MYO1C: variants seen among roughly 807,000 people sequenced by gnomAD.
MYO1C encodes unconventional myosin-Ic.
MYO1C carries 104 observed loss-of-function variants against 150.8 expected under a neutral mutation model. The ratio of observed to expected loss-of-function variants is 0.69; its 90% confidence interval spans 0.59 to 0.81. MYO1C has a LOEUF of 0.81. Ranked by LOEUF, MYO1C falls within the 30% of genes least tolerant of loss-of-function variation. The probability of loss-of-function intolerance (pLI) is 0.00; values close to 1 mark genes in which losing one functional copy is unlikely to be tolerated. For synonymous variants in MYO1C, 663 were observed against 579.9 expected, an observed-to-expected ratio of 1.14 and a Z score of -2.06; for missense variants, 1,504 against 1,435.0, an observed-to-expected ratio of 1.05 and a Z score of -0.78.
intron 14 of MYO1C, among the ~76,000 whole-genome samples, chr17:1,476,424 C>T (rs1430549663): frequency 6.6e-6 from 1 of 152,236 alleles, no homozygotes; most frequent in Non-Finnish European, 1.5e-5. Context: ...CTCTGCCCAC[C>T]TAGGCCTCCC....
At chr17:1,486,523 G>GTTTTT (rs34636701) in intron 1 of MYO1C, among the ~76,000 whole-genome samples, 1 of 145,234 alleles carries the variant, frequency 6.9e-6, no homozygotes, top group Non-Finnish European at 1.5e-5. Context: ...TTTTTTTTCT[G>GTTTTT]TTTTTTTTTT....
chr17:1,488,364 C>T (rs908865904), intron 1 of MYO1C, among the ~76,000 whole-genome samples: 4 of 152,218 alleles, frequency 2.6e-5, no homozygotes, highest in Admixed American at 2.0e-4. Flanking sequence ...CCGGCCTGCC[C>T]CTCCTCACTG....
chr17:1,466,078 CGTGAGCCT>C (rs1057491481), intron 31 of MYO1C, among the ~76,000 whole-genome samples: 6 of 151,012 alleles, frequency 4.0e-5, no homozygotes, highest in African/African-American at 9.7e-5. Context: ...CCCTGGCCAG[CGTGAGCCT>C]GTGAGCCTGT....
chr17:1,484,165 G>C lies in MYO1C; in HGVS notation c.214C>G (p.Arg72Gly). Residue 72 changes from arginine to glycine, a missense_variant, in exon 2 of 32, where the codon CGG becomes GGG. Arg to Gly is a moderately radical substitution (Grantham distance 125). Coordinates refer to ENST00000648651, the MANE Select transcript of MYO1C (RefSeq NM_001080779.2). ...AFIENLRRRF[R>G]ENLIYTYIGP... Reference sequence around the variant, plus strand: ...GGCCTCACGTAGATGAGATTCTCCCGAAATCGCCGCCGCAGGTTCTCGATG... The same window carrying C: ...GGCCTCACGTAGATGAGATTCTCCCCAAATCGCCGCCGCAGGTTCTCGATG... 1 of 1,612,900 alleles carries C rather than the reference G, an allele frequency of 6.2e-7. No homozygotes were observed. Among genetic ancestry groups the C allele is most frequent in the African/African-American group, 1.3e-5 (1 of 75,038 alleles).
rs530149025 is a variant in MYO1C, at chr17:1,475,503, G to A, written c.1575-471C>T. On this transcript the variant is annotated intron_variant, in intron 14 of 31. Transcript: ENST00000648651. ...GAGGCTCAGAGAGGTAGATGGCCTT[G>A]GCCAGGGCCACACAGTGCCAGGACC... Among the ~76,000 whole-genome samples the A allele has an allele frequency of 6.6e-5, 10 of 152,334 alleles. No individual in the cohort carries two copies. In the East Asian group the frequency reaches 9.7e-4, roughly 15 times the overall value.
intron 2 of MYO1C, 108 bp downstream of exon 2, chr17:1,484,039 TC>T: frequency 1.7e-6 from 2 of 1,202,910 alleles, no homozygotes; most frequent in Non-Finnish European, 2.3e-6. Context: ...TGAAACTGTC[TC>T]AAAAAAAAAA....
chr17:1,481,593 C>T lies in MYO1C; in HGVS notation c.628-708G>A, dbSNP rs772358519. ...ACAGTTCACTGCACCCTCGAACTCC[C>T]GGGTTCAAGCAATTCTCCTGCCTCA... is the stretch of plus-strand genomic sequence containing the variant. On this transcript the variant is annotated intron_variant, in intron 5 of 31. Coordinates refer to ENST00000648651, the MANE Select transcript of MYO1C (RefSeq NM_001080779.2). Among the ~76,000 whole-genome samples, 11 of 151,662 alleles carry T rather than the reference C, an allele frequency of 7.3e-5. No homozygotes were observed. The East Asian group carries it at 1.3e-3, about 19-fold the overall frequency.
chr17:1,483,922 A>G (rs964435165), intron 2 of MYO1C, among the ~76,000 whole-genome samples, 197 bp from the exon 3 acceptor site: 11 of 151,950 alleles, frequency 7.2e-5, no homozygotes, highest in African/African-American at 7.3e-5. Context: ...GGTGCCTGTA[A>G]TCCCAGCTAC....
intron 5 of MYO1C, 142 bp downstream of exon 5, chr17:1,482,336 C>T: frequency 1.3e-6 from 1 of 782,130 alleles, no homozygotes; most frequent in Non-Finnish European, 2.2e-6. Flanking sequence ...TATTGTTTAT[C>T]ACCCTGGAAG....
At position 1,479,912 on chromosome 17, in the gene MYO1C, G is replaced by A. The variant is rs941082468; in HGVS notation, c.907-207C>T. ...TGTAATCCCAGCACTTTGGGAGGCT[G>A]AGGCGGGAGGATCATCTGAGGTCAG... On this transcript the variant is annotated intron_variant, in intron 7 of 31. Transcript: ENST00000648651. The surrounding 1 kb of genome is among the most constrained non-coding windows in gnomAD (Gnocchi z 4.2). Among the ~76,000 whole-genome samples, 11 of 152,120 alleles carry A rather than the reference G, an allele frequency of 7.2e-5. No homozygotes were observed. Among genetic ancestry groups the A allele is most frequent in the Admixed American group, 1.3e-4 (2 of 15,272 alleles).
rs2074449713 is a variant in MYO1C, at chr17:1,478,635, T to C, written c.1193A>G (p.Asn398Ser). The C allele has an allele frequency of 6.2e-7, 1 of 1,614,130 alleles. No homozygotes were observed. The highest frequency in any genetic ancestry group is 8.5e-7 in the Non-Finnish European group (1 of 1,180,024). ...CCTCACCTTGGAGGCCAGCGACCTG[T>C]TGATCTTCCCGACGAGCCAGGTAAA... is the stretch of plus-strand genomic sequence containing the variant. Reference protein sequence around the residue: ...RTFTWLVGKINRSLASKDVES... With the variant: ...RTFTWLVGKISRSLASKDVES... Residue 398 changes from asparagine (N) to serine (S), a missense_variant, in exon 10 of 32, where the codon AAC becomes AGC. Physicochemically the swap from Asn to Ser is conservative, Grantham distance 46 (BLOSUM62 1). Transcript: ENST00000648651. This position sits in a 1 kb window ranked among gnomAD's most constrained non-coding sequence, Gnocchi z 6.3.
rs1241904074 is a variant in MYO1C, at chr17:1,468,041, A to G, written c.2843T>C (p.Val948Ala). The G allele has an allele frequency of 6.2e-7, 1 of 1,612,860 alleles. No individual in the cohort carries two copies. The highest frequency in any genetic ancestry group is 8.5e-7 in the Non-Finnish European group (1 of 1,179,880). ...CTTGACTTTGGCGTCCTCCACGATGACGACGGCGTTGGGCGTGAGCAGCAG... is the reference window on the plus strand; with the variant it reads ...CTTGACTTTGGCGTCCTCCACGATGGCGACGGCGTTGGGCGTGAGCAGCAG... The part of the protein sequence containing the change: ...RQLLLTPNAV[V>A]IVEDAKVKQR... The change falls in exon 28 of 32, where the codon GTC becomes GCC. Residue 948 changes from valine to alanine, a missense_variant. Val to Ala is a moderately conservative substitution (Grantham distance 64, BLOSUM62 0). Coordinates refer to ENST00000648651, the MANE Select transcript of MYO1C (RefSeq NM_001080779.2).
intron 1 of MYO1C, chr17:1,485,647 AG>A: frequency 8.4e-7 from 1 of 1,188,334 alleles, no homozygotes; most frequent in Non-Finnish European, 1.1e-6. Context: ...CGAGGTGGGG[AG>A]GGACGCCCGG....
chr17:1,475,095 G>T, intron 14 of MYO1C, 63 bp from the exon 15 acceptor site: 3 of 1,506,940 alleles, frequency 2.0e-6, no homozygotes, highest in Non-Finnish European at 2.7e-6. Flanking sequence ...TCTGCCTGCT[G>T]AAAGGGCCTC....
intron 12 of MYO1C, 24 bp from the exon 13 acceptor site, chr17:1,477,995 G>C: frequency 5.6e-6 from 9 of 1,613,418 alleles, no homozygotes; most frequent in South Asian, 1.1e-5. Flanking sequence ...GGGAAGGAAG[G>C]GATCACCGTG....
Position 1,474,811 on chromosome 17 carries a change from C to T in MYO1C, c.1716+1G>A. The T allele has an allele frequency of 1.9e-6, 3 of 1,613,714 alleles. No homozygotes were observed. The highest frequency in any genetic ancestry group is 2.5e-6 in the Non-Finnish European group (3 of 1,179,688). On this transcript the variant is annotated splice_donor_variant, in intron 16 of 31. Coordinates refer to ENST00000648651, the MANE Select transcript of MYO1C (RefSeq NM_001080779.2). LOFTEE classifies it high-confidence loss of function. ...CCCCGGCCTCCCCACGTCCTCCTCA[C>T]CTCCTTAAGGTTCCGGAAGAGAAGG... is the stretch of plus-strand genomic sequence containing the variant.
At chr17:1,483,482 G>C (rs960339538) in intron 3 of MYO1C, 128 bp downstream of exon 3, 1 of 709,124 alleles carries the variant, frequency 1.4e-6, no homozygotes, top group East Asian at 2.7e-5. Context: ...TGGGGGGCAA[G>C]AGACTGTGGG....
At chr17:1,469,904 G>T (rs1386075138) in intron 24 of MYO1C, among the ~76,000 whole-genome samples, 1 of 152,050 alleles carries the variant, frequency 6.6e-6, no homozygotes. Flanking sequence ...GCGTAGTGGC[G>T]GGCGCCTGTA....
At position 1,478,332 on chromosome 17, in the gene MYO1C, GA is replaced by G; in HGVS notation, c.1295+77del. On this transcript the variant is annotated intron_variant, in intron 11 of 31. Transcript: ENST00000648651. This position sits in a 1 kb window ranked among gnomAD's most constrained non-coding sequence, Gnocchi z 6.3. ...GGCTGGCTGGGGAGTCACAGGGCAGGAATGAGAGGCTGGAGGACAGAAGAGA... is the reference window on the plus strand; with the variant it reads ...GGCTGGCTGGGGAGTCACAGGGCAGGATGAGAGGCTGGAGGACAGAAGAGA... The G allele has an allele frequency of 6.3e-7, 1 of 1,587,864 alleles. No homozygotes were observed. Among genetic ancestry groups the G allele is most frequent in the Admixed American group, 1.7e-5 (1 of 59,976 alleles).
Sources: gnomAD v4.1 joint callset for allele counts (sites outside exome capture counted in the v4.1 genomes callset) on GRCh38, gnomAD v4.1.1 for gene constraint, Gnocchi (gnomAD v3.1) non-coding constraint, MANE v1.5 for transcripts, NCBI Gene and HGNC (gene_info 2026-07-23, HGNC 2026-07-21) for gene names.